WDPCP: variants seen among roughly 807,000 people sequenced by gnomAD.
The protein encoded by WDPCP is WD repeat-containing and planar cell polarity effector protein fritz homolog.
A neutral mutation model predicts 93.1 loss-of-function variants in WDPCP; 71 were observed. That is an observed-to-expected ratio of 0.76 (90% CI 0.63 to 0.93). WDPCP has a LOEUF of 0.93. WDPCP is among the 40% of genes least tolerant of loss of function. WDPCP has a pLI of 0.00. For synonymous variants in WDPCP, 315 were observed against 315.0 expected, an observed-to-expected ratio of 1.00 and a Z score of 0.00; for missense variants, 844 against 887.4, an observed-to-expected ratio of 0.95 and a Z score of 0.62.
chr2:63,672,968 G>T lies in WDPCP; in HGVS notation n.309-22130C>A, dbSNP rs1252454606. On this transcript the variant is annotated intron_variant and non_coding_transcript_variant, in intron 2 of 4. Coordinates refer to the WDPCP transcript ENST00000467687. ...ATGTCTCCCTGTGTTGCCCAGGTTG[G>T]TCTCTGACTCCTGGGCTCAAGTGAT... 3.9e-5 allele frequency among the ~76,000 whole-genome samples: 6 copies of T among 152,148 alleles called. No individual in the cohort carries two copies. In the East Asian group the frequency reaches 1.2e-3, roughly 29 times the overall value.
chr2:63,430,332 T>C (rs1027795103), intron 9 of WDPCP, among the ~76,000 whole-genome samples: 4 of 152,158 alleles, frequency 2.6e-5, no homozygotes, highest in African/African-American at 4.8e-5. Flanking sequence ...ACCTGCAATA[T>C]ACCTTTGTTA....
intron 1 of WDPCP, among the ~76,000 whole-genome samples, chr2:63,823,819 C>T (rs1671066435): frequency 6.6e-6 from 1 of 152,040 alleles, no homozygotes; most frequent in Non-Finnish European, 1.5e-5. Context: ...AGAATGGATA[C>T]AGTGAAATAA....
chr2:63,546,953 A>T (rs555606012), intron 1 of WDPCP, among the ~76,000 whole-genome samples: 1 of 152,090 alleles, frequency 6.6e-6, no homozygotes, highest in Non-Finnish European at 1.5e-5. Context: ...AAGGTAAATA[A>T]ACTAGAAATG....
chr2:63,584,873 C>T (rs1052880629), intron 1 of WDPCP, among the ~76,000 whole-genome samples: 3 of 152,116 alleles, frequency 2.0e-5, no homozygotes, highest in African/African-American at 7.2e-5. Context: ...TTAGGTAGCT[C>T]ATACTTCTGG....
At chr2:63,208,737 C>G (rs1676527155) in intron 14 of WDPCP, among the ~76,000 whole-genome samples, 1 of 152,098 alleles carries the variant, frequency 6.6e-6, no homozygotes, top group South Asian at 2.1e-4. Context: ...TAGAAGTCCC[C>G]CTACCTTCCG....
intron 2 of WDPCP, among the ~76,000 whole-genome samples, chr2:63,764,704 G>A (rs564119871): frequency 9.9e-5 from 15 of 152,212 alleles, no homozygotes; most frequent in Non-Finnish European, 1.6e-4. Flanking sequence ...CTGGTAAAGG[G>A]GCTTTCGTTT....
chr2:63,405,562 TG>T (rs1355565429), intron 9 of WDPCP, among the ~76,000 whole-genome samples: 1 of 150,722 alleles, frequency 6.6e-6, no homozygotes, highest in Non-Finnish European at 1.5e-5. Context: ...TGTGTGTGTG[TG>T]TGTGTGTGTG....
chr2:63,349,435 A>T (rs904816407), intron 12 of WDPCP, among the ~76,000 whole-genome samples: 2 of 152,156 alleles, frequency 1.3e-5, no homozygotes, highest in African/African-American at 4.8e-5. Context: ...TCTAAGCTGT[A>T]TCAAATTAAC....
chr2:63,244,136 G>T (rs1302049837), intron 14 of WDPCP, among the ~76,000 whole-genome samples: 4 of 151,966 alleles, frequency 2.6e-5, no homozygotes, highest in African/African-American at 4.8e-5. Context: ...AATTATTTTG[G>T]GCATTAAGGC....
chr2:63,588,976 G>C, upstream of WDPCP: 2 of 1,610,914 alleles, frequency 1.2e-6, no homozygotes, highest in East Asian at 2.2e-5. Context: ...TCAGTTCCGC[G>C]GTAGAGGTGA....
At chr2:63,336,212 C>A (rs187826152) in intron 12 of WDPCP, among the ~76,000 whole-genome samples, 74 of 152,262 alleles carry the variant, frequency 4.9e-4, no homozygotes, top group Admixed American at 3.9e-3. Flanking sequence ...ATCCAAGAAC[C>A]CTCTCTTGGG....
chr2:63,545,615 T>C (rs2106327950), intron 1 of WDPCP, among the ~76,000 whole-genome samples: 1 of 152,212 alleles, frequency 6.6e-6, no homozygotes, highest in African/African-American at 2.4e-5. Flanking sequence ...GTATGATTTA[T>C]ATAATTTGTT....
At chr2:63,251,469 A>C (rs1396890421) in intron 14 of WDPCP, among the ~76,000 whole-genome samples, 2 of 151,660 alleles carry the variant, frequency 1.3e-5, no homozygotes, top group African/African-American at 4.8e-5. Context: ...AAATTCAATC[A>C]ATAATAAAAA....
chr2:63,756,751 A>G (rs1027147435), intron 2 of WDPCP, among the ~76,000 whole-genome samples: 3 of 152,208 alleles, frequency 2.0e-5, no homozygotes. Flanking sequence ...AAAAATGTAA[A>G]AGAACTTAGC....
chr2:63,709,863 A>G (rs951096070), intron 2 of WDPCP, among the ~76,000 whole-genome samples: 1 of 152,224 alleles, frequency 6.6e-6, no homozygotes, highest in Non-Finnish European at 1.5e-5. Context: ...GTAGGGAACA[A>G]CAAAAATGAT....
At chr2:63,131,134 C>A (rs779347251) in intron 17 of WDPCP, among the ~76,000 whole-genome samples, 1 of 152,038 alleles carries the variant, frequency 6.6e-6, no homozygotes, top group Non-Finnish European at 1.5e-5. Context: ...TAAAAAAATC[C>A]ATTCAGTCAA....
chr2:63,794,152 T>C (rs191684046), intron 2 of WDPCP, among the ~76,000 whole-genome samples: 77 of 152,298 alleles, frequency 5.1e-4, no homozygotes, highest in Admixed American at 4.1e-3. Context: ...TTGCTCTCTT[T>C]CATGTTTGTA....
chr2:63,754,886 C>G (rs1455659943), intron 2 of WDPCP, among the ~76,000 whole-genome samples: 2 of 152,162 alleles, frequency 1.3e-5, no homozygotes, highest in African/African-American at 4.8e-5. Flanking sequence ...GACCCAATTT[C>G]TTAGCTGAAT....
At position 63,722,558 on chromosome 2, in the gene WDPCP, TG is replaced by T. The variant is rs561385087; in HGVS notation, n.309-71721del. Among the ~76,000 whole-genome samples the T allele has an allele frequency of 1.8e-3, 88 of 49,956 alleles. 8 individuals are homozygous for T. The highest frequency in any genetic ancestry group is 3.4e-3 in the African/African-American group (47 of 13,774). The allele number at this position is 49,956 out of a possible 152,430, so 32.8% of individuals were successfully genotyped here. A position where few individuals can be genotyped will look rare whatever the true frequency, so the allele number is the denominator to read the frequency against. On this transcript the variant is annotated intron_variant and non_coding_transcript_variant, in intron 2 of 4. Coordinates refer to the WDPCP transcript ENST00000467687. ...CCAGCCGCCCCATCCGGGAGGGAGG[TG>T]GGGGGGGGTCAGCCCCCCGCCCGGC...
Sources: allele counts gnomAD v4.1 joint callset (sites outside exome capture counted in the v4.1 genomes callset), GRCh38; gene constraint gnomAD v4.1.1; transcripts MANE v1.5; gene names NCBI Gene and HGNC (gene_info 2026-07-23, HGNC 2026-07-21).